The following RAB23 variants were observed in gnomAD, a reference collection of about 807,000 sequenced individuals.
RAB23 encodes ras-related protein Rab-23.
RAB23 carries 15 observed loss-of-function variants against 30.0 expected under a neutral mutation model. The ratio of observed to expected loss-of-function variants is 0.50; its 90% confidence interval spans 0.33 to 0.77. RAB23 has a LOEUF of 0.77. Ranked by LOEUF, RAB23 falls within the 30% of genes least tolerant of loss-of-function variation. The pLI is 0.02. For synonymous variants in RAB23, 93 were observed against 94.0 expected, an observed-to-expected ratio of 0.99 and a Z score of 0.06; for missense variants, 243 against 275.4, an observed-to-expected ratio of 0.88 and a Z score of 0.83.
chr6:57,197,031 A>C (rs1765049013), intron 3 of RAB23, among the ~76,000 whole-genome samples: 1 of 152,132 alleles, frequency 6.6e-6, no homozygotes, highest in Non-Finnish European at 1.5e-5. Context: ...TTGCTTCTTA[A>C]TTTCTTTCAG....
At chr6:57,193,023 AT>A (rs1379862259) in intron 6 of RAB23, among the ~76,000 whole-genome samples, 10 of 152,310 alleles carry the variant, frequency 6.6e-5, no homozygotes, top group Non-Finnish European at 5.9e-5. Flanking sequence ...ATTGAAGAGA[AT>A]CTGCATTTAC....
At chr6:57,199,931 CTG>C in intron 3 of RAB23, among the ~76,000 whole-genome samples, 1 of 152,264 alleles carries the variant, frequency 6.6e-6, no homozygotes, top group South Asian at 2.1e-4. Context: ...CTTTGTCAAA[CTG>C]TGATTCATCA....
At chr6:57,216,796 CCT>C (rs1418590840) in intron 1 of RAB23, among the ~76,000 whole-genome samples, 8 of 152,104 alleles carry the variant, frequency 5.3e-5, no homozygotes, top group East Asian at 1.9e-4. Flanking sequence ...AGGGTTCCTC[CCT>C]GTTTCAGATG....
intron 2 of RAB23, among the ~76,000 whole-genome samples, chr6:57,208,178 A>G (rs1765515826): frequency 1.3e-5 from 2 of 152,056 alleles, no homozygotes; most frequent in Admixed American, 1.3e-4. Context: ...AGCTTCCCAC[A>G]TGATTTGGAT....
intron 6 of RAB23, among the ~76,000 whole-genome samples, chr6:57,193,290 G>A (rs1455007809): frequency 1.3e-5 from 2 of 152,018 alleles, no homozygotes; most frequent in Non-Finnish European, 2.9e-5. Context: ...TGTAGTGAAG[G>A]GGGACAGAAT....
At chr6:57,210,790 C>T (rs1399189603) in intron 1 of RAB23, among the ~76,000 whole-genome samples, 1 of 152,212 alleles carries the variant, frequency 6.6e-6, no homozygotes, top group Non-Finnish European at 1.5e-5. Context: ...TTAACTTCTT[C>T]AGGCTTCTGT....
intron 3 of RAB23, among the ~76,000 whole-genome samples, chr6:57,205,821 C>G (rs1765437855): frequency 6.6e-6 from 1 of 152,108 alleles, no homozygotes; most frequent in Non-Finnish European, 1.5e-5. Flanking sequence ...AGAGTTTTAA[C>G]CACGAAAGTG....
intron 3 of RAB23, among the ~76,000 whole-genome samples, chr6:57,203,332 C>T (rs1755845589): frequency 6.6e-6 from 1 of 151,996 alleles, no homozygotes; most frequent in African/African-American, 2.4e-5. Flanking sequence ...ATTATAGAAA[C>T]ATAATGTCAA....
rs1185636548 is a variant in RAB23, at chr6:57,222,204, AG to A, written c.-545del. 2.0e-5 allele frequency: 3 copies of A among 152,320 alleles called. No individual in the cohort carries two copies. The highest frequency in any genetic ancestry group is 7.2e-5 in the African/African-American group (3 of 41,470). 9.4% of individuals were successfully genotyped at this position (152,320 alleles called of 1,614,324 possible). ...TGATTTTTAAACGAACTTTATTAGT[AG>A]CCAGGGCTCAGATTGAGTGGCTCAG... On this transcript the variant is annotated 5_prime_UTR_variant, in exon 1 of 7. Transcript: ENST00000468148.
Position 57,194,808 on chromosome 6 carries a change from T to G in RAB23, c.443A>C (p.Tyr148Ser). ...TAGATCTTCTTTCACTGATGTTCTG[T>G]AGAATCTTAACTTTAACCTTTTTGC... ...ALAKRLKLRF[Y>S]RTSVKEDLNV... The change falls in exon 5 of 7, where the codon TAC (tyrosine) becomes TCC (serine). Residue 148 changes from tyrosine to serine, a missense_variant. Tyr to Ser is a moderately radical substitution (Grantham distance 144). Coordinates refer to ENST00000468148, the MANE Select transcript of RAB23 (RefSeq NM_016277.5). The G allele has an allele frequency of 6.2e-7, 1 of 1,613,490 alleles. No homozygotes were observed. The highest frequency in any genetic ancestry group is 8.5e-7 in the Non-Finnish European group (1 of 1,179,570).
intron 3 of RAB23, among the ~76,000 whole-genome samples, chr6:57,204,980 A>G (rs879443085): frequency 1.3e-5 from 2 of 151,686 alleles, no homozygotes; most frequent in Non-Finnish European, 2.9e-5. Context: ...ATACACATAC[A>G]TATGTGTACA....
intron 6 of RAB23, among the ~76,000 whole-genome samples, chr6:57,190,959 A>G (rs1593204461): frequency 6.6e-6 from 1 of 152,192 alleles, no homozygotes; most frequent in Admixed American, 6.5e-5. Flanking sequence ...TACCTTATAT[A>G]AATGGAATAA....
chr6:57,192,072 G>A (rs901034932), intron 6 of RAB23, among the ~76,000 whole-genome samples: 2 of 151,890 alleles, frequency 1.3e-5, no homozygotes, highest in African/African-American at 2.4e-5. Context: ...TCAAACTGTC[G>A]GCCTCAAGCA....
chr6:57,192,969 G>A (rs1251634939), intron 6 of RAB23, among the ~76,000 whole-genome samples: 3 of 152,168 alleles, frequency 2.0e-5, no homozygotes, highest in South Asian at 4.1e-4. Flanking sequence ...TGGTGTGGCA[G>A]GAGGCTACAC....
intron 3 of RAB23, among the ~76,000 whole-genome samples, chr6:57,204,048 C>T (rs1342463113): frequency 6.6e-6 from 1 of 152,110 alleles, no homozygotes; most frequent in Non-Finnish European, 1.5e-5. Flanking sequence ...TACAATAAAT[C>T]CTACATTTTC....
chr6:57,206,369 G>A (rs1765457103), intron 3 of RAB23, among the ~76,000 whole-genome samples: 1 of 152,178 alleles, frequency 6.6e-6, no homozygotes, highest in Non-Finnish European at 1.5e-5. Context: ...ACCAGTAGTG[G>A]TCAGGGAGTA....
intron 3 of RAB23, among the ~76,000 whole-genome samples, chr6:57,200,950 T>C (rs1765230394): frequency 6.6e-6 from 1 of 152,166 alleles, no homozygotes; most frequent in African/African-American, 2.4e-5. Flanking sequence ...AACTAAAATA[T>C]GGCACCTTGA....
At chr6:57,205,847 G>T (rs753699791) in intron 3 of RAB23, among the ~76,000 whole-genome samples, 1 of 152,184 alleles carries the variant, frequency 6.6e-6, no homozygotes, top group Non-Finnish European at 1.5e-5. Flanking sequence ...GTAGTGGGAA[G>T]GATAAAATGG....
chr6:57,200,320 C>T (rs1478886189), intron 3 of RAB23, among the ~76,000 whole-genome samples: 3 of 151,098 alleles, frequency 2.0e-5, no homozygotes, highest in East Asian at 1.9e-4. Context: ...GGGCGGATCA[C>T]GAGGTCAGGA....
Sources: gnomAD v4.1 joint callset for allele counts (sites outside exome capture counted in the v4.1 genomes callset) on GRCh38, gnomAD v4.1.1 for gene constraint, MANE v1.5 for transcripts, NCBI Gene and HGNC (gene_info 2026-07-23, HGNC 2026-07-21) for gene names.